The following SRGAP1 variants were observed in gnomAD, a reference collection of about 807,000 sequenced individuals.
SRGAP1 encodes SLIT-ROBO Rho GTPase activating protein 1, also known as SLIT-ROBO Rho GTPase-activating protein 1.
In SRGAP1, 43 loss-of-function variants were observed where a neutral mutation model predicts 121.9. The ratio of observed to expected loss-of-function variants is 0.35; its 90% CI spans 0.28 to 0.46. SRGAP1 has a LOEUF of 0.46. SRGAP1 is among the 20% of genes least tolerant of loss of function. The probability of loss-of-function intolerance (pLI) is 1.00; values close to 1 mark genes in which losing one functional copy is unlikely to be tolerated. For synonymous variants in SRGAP1, 447 were observed against 485.4 expected, an observed-to-expected ratio of 0.92 and a Z score of 1.04; for missense variants, 1,102 against 1,350.9, an observed-to-expected ratio of 0.82 and a Z score of 2.89.
chr12:64,038,380 T>C (rs1173057150), intron 4 of SRGAP1, among the ~76,000 whole-genome samples: 1 of 152,106 alleles, frequency 6.6e-6, no homozygotes, highest in Admixed American at 6.6e-5. Context: ...ATGACGACCT[T>C]GTAAAGTAAT....
Position 64,148,935 on chromosome 12 carries a change from A to G in SRGAP1, c.*6263A>G, listed in dbSNP as rs900759739. 10 of 152,202 alleles carry G rather than the reference A, an allele frequency of 6.6e-5. No homozygotes were observed. The highest frequency in any genetic ancestry group is 6.5e-4 in the Admixed American group (10 of 15,276). 9.4% of individuals were successfully genotyped at this position (152,202 alleles called of 1,614,324 possible). ...ATGGTGTAGTTTTGCCTGTCATCTT[A>G]GCTTTCTATAAATGGGTTCATACAG... On this transcript the variant is annotated 3_prime_UTR_variant, in exon 22 of 22. Coordinates refer to ENST00000355086, the MANE Select transcript of SRGAP1 (RefSeq NM_020762.4).
intron 1 of SRGAP1, among the ~76,000 whole-genome samples, chr12:63,861,634 C>T (rs1034377555): frequency 6.6e-6 from 1 of 152,064 alleles, no homozygotes; most frequent in Non-Finnish European, 1.5e-5. Flanking sequence ...TTTTATCTTT[C>T]AGCTCTGTGT....
intron 2 of SRGAP1, among the ~76,000 whole-genome samples, chr12:63,989,057 G>A (rs1016462058): frequency 3.3e-5 from 5 of 152,084 alleles, no homozygotes; most frequent in Non-Finnish European, 5.9e-5. Context: ...CAATCCACCC[G>A]CCTCGGCCTC....
intron 1 of SRGAP1, among the ~76,000 whole-genome samples, chr12:63,910,342 AT>A (rs1230700705): frequency 1.3e-5 from 2 of 152,172 alleles, no homozygotes; most frequent in African/African-American, 4.8e-5. Context: ...TGGCAGCCCA[AT>A]TATTTTCACT....
chr12:63,999,633 TATGAG>T (rs2033818893), intron 3 of SRGAP1, among the ~76,000 whole-genome samples: 1 of 152,036 alleles, frequency 6.6e-6, no homozygotes, highest in Non-Finnish European at 1.5e-5. Flanking sequence ...ATAGGCGTCA[TATGAG>T]AGGAGAAGGC....
chr12:64,021,919 A>T (rs529683852), intron 4 of SRGAP1, among the ~76,000 whole-genome samples: 10 of 152,194 alleles, frequency 6.6e-5, no homozygotes, highest in Non-Finnish European at 2.9e-5. Context: ...ATTCTTTTTG[A>T]GTTAAACATT....
chr12:64,049,615 A>G (rs1364010886), intron 6 of SRGAP1, among the ~76,000 whole-genome samples: 2 of 152,122 alleles, frequency 1.3e-5, no homozygotes, highest in East Asian at 3.9e-4. Context: ...TCAAGATGAG[A>G]TTTCGGTGGG....
At chr12:63,979,647 C>T (rs576198301) in intron 1 of SRGAP1, among the ~76,000 whole-genome samples, 29 of 152,190 alleles carry the variant, frequency 1.9e-4, no homozygotes, top group Admixed American at 1.7e-3. Context: ...GTCTTCCTAA[C>T]AAGAAGGACC....
At chr12:63,868,615 GC>G (rs1246494853) in intron 1 of SRGAP1, among the ~76,000 whole-genome samples, 1 of 152,138 alleles carries the variant, frequency 6.6e-6, no homozygotes, top group African/African-American at 2.4e-5. Flanking sequence ...GCCAGCCTTG[GC>G]CTCCAGAAGT....
chr12:63,925,276 A>G (rs973823395), intron 1 of SRGAP1, among the ~76,000 whole-genome samples: 9 of 152,226 alleles, frequency 5.9e-5, no homozygotes, highest in African/African-American at 2.2e-4. Context: ...TACTTTCAGC[A>G]TCAATGACTT....
intron 18 of SRGAP1, among the ~76,000 whole-genome samples, chr12:64,118,001 C>T (rs547608048): frequency 1.3e-5 from 2 of 152,290 alleles, no homozygotes; most frequent in African/African-American, 4.8e-5. Context: ...ATTCATCTGT[C>T]CGTGGACATT....
At chr12:64,021,139 G>A (rs1378909278) in intron 4 of SRGAP1, among the ~76,000 whole-genome samples, 2 of 152,150 alleles carry the variant, frequency 1.3e-5, no homozygotes, top group African/African-American at 4.8e-5. Context: ...AATGGAAACA[G>A]GGAAGAAGGG....
rs1340703026 is a variant in SRGAP1 at position 64,151,057 on chromosome 12, TAGGAAAAGA to T, written c.*8396_*8404del. On this transcript the variant is annotated 3_prime_UTR_variant, in exon 22 of 22. Transcript: ENST00000355086. ...AGTAACTAAATATTACGAGATGCAT[TAGGAAAAGA>T]AGGAAAAGAAATTTTAAGTAAGCCA... The T allele has an allele frequency of 2.0e-5, 3 of 151,342 alleles. No homozygotes were observed. The highest frequency in any genetic ancestry group is 2.9e-5 in the Non-Finnish European group (2 of 67,916). 9.4% of individuals were successfully genotyped at this position (151,342 alleles called of 1,614,324 possible).
intron 4 of SRGAP1, among the ~76,000 whole-genome samples, chr12:64,017,269 C>T (rs2034429028): frequency 6.6e-6 from 1 of 152,218 alleles, no homozygotes; most frequent in Admixed American, 6.5e-5. Context: ...ACAATTAGCA[C>T]ACTTTAAGAA....
chr12:63,860,675 C>CT (rs1241764636), intron 1 of SRGAP1, among the ~76,000 whole-genome samples: 1 of 152,144 alleles, frequency 6.6e-6, no homozygotes, highest in East Asian at 1.9e-4. Flanking sequence ...TATATTCTCT[C>CT]TTTTTTCATT....
chr12:64,142,561 G>A lies in SRGAP1; in HGVS notation c.3147G>A (p.Gln1049=). The change falls in exon 22 of 22, where the codon CAG becomes CAA. Residue 1049 remains glutamine (Q), a synonymous_variant. Transcript: ENST00000355086. ...KPMVAPRMGV[Q]LKPPALRPKP... ...TGGTGGCACCCAGAATGGGCGTGCA[G>A]CTGAAGCCTCCAGCCCTTAGGCCAA... 1.9e-6 allele frequency: 3 copies of A among 1,614,232 alleles called. No individual in the cohort carries two copies. Among genetic ancestry groups the A allele is most frequent in the Middle Eastern group, 3.3e-4 (2 of 6,060 alleles).
chr12:64,001,452 T>C (rs2033894127), intron 3 of SRGAP1, among the ~76,000 whole-genome samples: 1 of 152,134 alleles, frequency 6.6e-6, no homozygotes, highest in Non-Finnish European at 1.5e-5. Flanking sequence ...GGGACAATGG[T>C]AAATGTGAAG....
rs1459756153 is a variant in SRGAP1, at chr12:64,154,159, T to G, written c.*11487T>G. The G allele has an allele frequency of 6.6e-6, 1 of 152,218 alleles. No homozygotes were observed. Among genetic ancestry groups the G allele is most frequent in the Non-Finnish European group, 1.5e-5 (1 of 68,038 alleles). The allele number at this position is 152,218 out of a possible 1,614,324, so 9.4% of individuals were successfully genotyped here. A position where few individuals can be genotyped will look rare whatever the true frequency, so the allele number is the denominator to read the frequency against. On this transcript the variant is annotated 3_prime_UTR_variant, in exon 22 of 22. Transcript: ENST00000355086. ...TCGGGATGAGGAAGAAAATGGAAAT[T>G]GTTGTTCAGTGTTTACAGGGTTTCA...
intron 10 of SRGAP1, among the ~76,000 whole-genome samples, chr12:64,084,478 T>C (rs1488172628): frequency 5.3e-5 from 8 of 152,188 alleles, no homozygotes; most frequent in Admixed American, 4.6e-4. Context: ...TTGTGTGTTA[T>C]TGATCTATTA....
Sources: allele counts gnomAD v4.1 joint callset (sites outside exome capture counted in the v4.1 genomes callset), GRCh38; gene constraint gnomAD v4.1.1; transcripts MANE v1.5; gene names NCBI Gene and HGNC (gene_info 2026-07-23, HGNC 2026-07-21).